Variants in TEK observed in about 807,000 individuals in gnomAD.
The protein encoded by TEK is angiopoietin-1 receptor.
A neutral mutation model predicts 131.8 loss-of-function variants in TEK; 43 were observed. The ratio of observed to expected loss-of-function variants is 0.33; its 90% confidence interval spans 0.26 to 0.42. The LOEUF (loss-of-function observed/expected upper bound fraction) is 0.42, where lower values mean the gene tolerates loss of function less well. Among genes scored for constraint, TEK ranks in the 10% least tolerant of loss-of-function variants. The pLI, the probability that TEK is intolerant of heterozygous loss-of-function variation, is 1.00. For synonymous variants in TEK, 580 were observed against 491.6 expected, an observed-to-expected ratio of 1.18 and a Z score of -2.38; for missense variants, 1,162 against 1,384.4, an observed-to-expected ratio of 0.84 and a Z score of 2.55.
At chr9:27,193,337 G>A (rs550909843) in intron 11 of TEK, among the ~76,000 whole-genome samples, 1 of 152,262 alleles carries the variant, frequency 6.6e-6, no homozygotes, top group South Asian at 2.1e-4. Flanking sequence ...GGATTCAATG[G>A]TTTTGAGGTG....
chr9:27,225,035 G>A (rs1222991602), intron 21 of TEK, among the ~76,000 whole-genome samples: 2 of 152,114 alleles, frequency 1.3e-5, no homozygotes, highest in Non-Finnish European at 2.9e-5. Context: ...AAATATCTAG[G>A]AATCCAACTT....
intron 2 of TEK, among the ~76,000 whole-genome samples, chr9:27,165,322 A>AT (rs1823689750): frequency 6.6e-6 from 1 of 152,168 alleles, no homozygotes; most frequent in South Asian, 2.1e-4. Context: ...ACAGCATGAA[A>AT]TGGTCAGAAA....
At chr9:27,149,610 T>C (rs1279323024) in intron 1 of TEK, among the ~76,000 whole-genome samples, 2 of 152,206 alleles carry the variant, frequency 1.3e-5, no homozygotes, top group African/African-American at 4.8e-5. Flanking sequence ...TCGTTCTCCG[T>C]GAATTGTCAC....
chr9:27,189,722 A>AG (rs1243700356), intron 9 of TEK, among the ~76,000 whole-genome samples: 2 of 152,152 alleles, frequency 1.3e-5, no homozygotes, highest in African/African-American at 4.8e-5. Flanking sequence ...AGAAAGAACA[A>AG]GGAAACAGAT....
intron 1 of TEK, among the ~76,000 whole-genome samples, chr9:27,154,422 CT>C (rs1245196697): frequency 6.6e-6 from 1 of 151,982 alleles, no homozygotes; most frequent in Admixed American, 6.6e-5. Flanking sequence ...GGCCATAACA[CT>C]TTTTTTTACG....
At chr9:27,115,122 G>T (rs901560049) in intron 1 of TEK, among the ~76,000 whole-genome samples, 1 of 152,126 alleles carries the variant, frequency 6.6e-6, no homozygotes, top group Non-Finnish European at 1.5e-5. Context: ...AGCAAATAAA[G>T]GTATTTACAA....
At chr9:27,187,992 G>T (rs77470039) in intron 9 of TEK, among the ~76,000 whole-genome samples, 5 of 152,050 alleles carry the variant, frequency 3.3e-5, no homozygotes, top group Non-Finnish European at 5.9e-5. Context: ...GATTTGGGGG[G>T]AATACAATTT....
chr9:27,197,367 A>G lies in TEK; in HGVS notation c.1677A>G (p.Leu559=), dbSNP rs773846535. The change falls in exon 12 of 23, where the codon CTA becomes CTG. Residue 559 remains leucine, a synonymous_variant. Transcript: ENST00000380036. Reference sequence around the variant, plus strand: ...TCCTGCCTAAAAGTCAGACCACTCTAAATTTGACCTGGCAACCAATATTTC... The same window carrying G: ...TCCTGCCTAAAAGTCAGACCACTCTGAATTTGACCTGGCAACCAATATTTC... The part of the protein sequence containing the change: ...LNLLPKSQTT[L]NLTWQPIFPS... 33 of 1,614,140 alleles carry G rather than the reference A, an allele frequency of 2.0e-5. No homozygotes were observed. Among genetic ancestry groups the G allele is most frequent in the Non-Finnish European group, 2.7e-5 (32 of 1,179,992 alleles).
chr9:27,153,494 G>A (rs2131110069), intron 1 of TEK, among the ~76,000 whole-genome samples: 1 of 152,306 alleles, frequency 6.6e-6, no homozygotes, highest in Middle Eastern at 3.4e-3. Context: ...AGGAAAAATA[G>A]CATTAATCTC....
intron 13 of TEK, 64 bp downstream of exon 13, chr9:27,203,183 C>G: frequency 6.4e-7 from 1 of 1,563,344 alleles, no homozygotes; most frequent in Non-Finnish European, 8.8e-7. Context: ...GCTGGTTTAT[C>G]AGGACAGGCC....
chr9:27,200,016 A>T (rs1017344172), intron 12 of TEK, among the ~76,000 whole-genome samples: 12 of 152,154 alleles, frequency 7.9e-5, no homozygotes, highest in Non-Finnish European at 1.8e-4. Context: ...AGATATAAAA[A>T]TGTTATTTTG....
At chr9:27,148,472 C>T (rs1409243578) in intron 1 of TEK, among the ~76,000 whole-genome samples, 1 of 152,212 alleles carries the variant, frequency 6.6e-6, no homozygotes, top group African/African-American at 2.4e-5. Context: ...CTGGATTGGT[C>T]TCTCATCCTC....
intron 1 of TEK, among the ~76,000 whole-genome samples, chr9:27,123,108 A>G (rs1821861278): frequency 6.7e-6 from 1 of 148,892 alleles, no homozygotes; most frequent in Admixed American, 6.7e-5. Flanking sequence ...AGGAAGAGAG[A>G]CTAGAGAATT....
At chr9:27,212,003 A>G (rs1022548211) in intron 16 of TEK, among the ~76,000 whole-genome samples, 23 of 150,442 alleles carry the variant, frequency 1.5e-4, no homozygotes, top group Non-Finnish European at 2.5e-4. Context: ...TAAAAAAAAA[A>G]AGAGAGAGAG....
intron 4 of TEK, among the ~76,000 whole-genome samples, chr9:27,169,944 C>G (rs1193931336): frequency 1.3e-5 from 2 of 152,112 alleles, no homozygotes; most frequent in Non-Finnish European, 2.9e-5. Context: ...TTCACATGCT[C>G]TTTATTGAGA....
intron 21 of TEK, among the ~76,000 whole-genome samples, chr9:27,221,686 G>T (rs932861967): frequency 5.9e-5 from 9 of 152,082 alleles, no homozygotes; most frequent in African/African-American, 2.2e-4. Flanking sequence ...ACTATTAGAA[G>T]GAAAAGTAAC....
chr9:27,141,720 A>AAATGACATTTAAAAT (rs1156995650), intron 1 of TEK, among the ~76,000 whole-genome samples: 9 of 152,188 alleles, frequency 5.9e-5, no homozygotes, highest in Non-Finnish European at 1.3e-4. Flanking sequence ...CAAGGATGCT[A>AAATGACATTTAAAAT]GTCAAATGAC....
At chr9:27,144,089 C>G (rs529065228) in intron 1 of TEK, among the ~76,000 whole-genome samples, 1 of 152,316 alleles carries the variant, frequency 6.6e-6, no homozygotes, top group East Asian at 1.9e-4. Context: ...CGATACCATC[C>G]TGGCCAACAT....
intron 9 of TEK, among the ~76,000 whole-genome samples, chr9:27,189,846 G>C (rs964635252): frequency 3.0e-4 from 41 of 136,312 alleles, no homozygotes; most frequent in African/African-American, 1.2e-3. Flanking sequence ...GAGTTGTTTG[G>C]CTGAAAGAGA....
Sources: gnomAD v4.1 joint callset for allele counts (sites outside exome capture counted in the v4.1 genomes callset) on GRCh38, gnomAD v4.1.1 for gene constraint, MANE v1.5 for transcripts, NCBI Gene and HGNC (gene_info 2026-07-23, HGNC 2026-07-21) for gene names.